STK3: variants seen among roughly 807,000 people sequenced by gnomAD.
STK3 encodes serine/threonine-protein kinase 3.
In STK3, 41 loss-of-function variants were observed where a neutral mutation model predicts 58.0. The ratio of observed to expected loss-of-function variants is 0.71; its 90% CI spans 0.55 to 0.92. The LOEUF (loss-of-function observed/expected upper bound fraction) is 0.92. STK3 is among the 40% of genes least tolerant of loss of function. The probability of loss-of-function intolerance (pLI) is 0.00; values close to 1 mark genes in which losing one functional copy is unlikely to be tolerated. For synonymous variants in STK3, 170 were observed against 191.0 expected (o/e 0.89, Z 0.91); for missense variants, 479 against 602.7 (o/e 0.79, Z 2.15).
At chr8:98,650,118 T>C (rs916394740) in intron 6 of STK3, among the ~76,000 whole-genome samples, 1 of 152,214 alleles carries the variant, frequency 6.6e-6, no homozygotes, top group Non-Finnish European at 1.5e-5. Context: ...CTGATAATAT[T>C]TTACTGGTAC....
At chr8:98,623,618 T>C (rs1818494648) in intron 6 of STK3, among the ~76,000 whole-genome samples, 1 of 152,166 alleles carries the variant, frequency 6.6e-6, no homozygotes, top group Non-Finnish European at 1.5e-5. Flanking sequence ...AGCCCGTCTC[T>C]ACAAAATATA....
At chr8:98,442,915 C>G (rs1818750705) in intron 1 of STK3, among the ~76,000 whole-genome samples, 1 of 151,656 alleles carries the variant, frequency 6.6e-6, no homozygotes, top group African/African-American at 2.4e-5. Flanking sequence ...TAAGATATCC[C>G]TCAATATTCA....
At chr8:98,546,943 C>T (rs1330143585) in intron 9 of STK3, among the ~76,000 whole-genome samples, 1 of 152,126 alleles carries the variant, frequency 6.6e-6, no homozygotes, top group Non-Finnish European at 1.5e-5. Context: ...CAGTACTGAG[C>T]CACGTGACTT....
At position 98,638,464 on chromosome 8, in the gene STK3, G is replaced by A. The variant is rs1422773456; in HGVS notation, c.685-42295C>T. On this transcript the variant is annotated intron_variant, in intron 6 of 10. Transcript: ENST00000419617. ...CATGACTGTTAAATCACTTACATAC[G>A]GCCAAATGATCTACAAGGAAGCAGG... is the stretch of plus-strand genomic sequence containing the variant. The A allele has an allele frequency of 2.0e-5, 3 of 152,126 alleles. No homozygotes were observed. In the East Asian group the frequency reaches 5.8e-4, roughly 29 times the overall value. The allele number at this position is 152,126 out of a possible 1,614,324, so 9.4% of individuals were successfully genotyped here. A position where few individuals can be genotyped will look rare whatever the true frequency, so the allele number is the denominator to read the frequency against.
intron 8 of STK3, among the ~76,000 whole-genome samples, chr8:98,567,742 T>C (rs895854949): frequency 1.3e-5 from 2 of 152,050 alleles, no homozygotes; most frequent in African/African-American, 4.8e-5. Context: ...AAAGAGATCA[T>C]ATTACAAACT....
intron 1 of STK3, among the ~76,000 whole-genome samples, chr8:98,787,806 G>A (rs558476394): frequency 1.3e-5 from 2 of 152,220 alleles, no homozygotes; most frequent in South Asian, 4.1e-4. Context: ...ACAATTATCA[G>A]CCAAGAATTT....
chr8:98,828,790 C>T (rs560132511), upstream of STK3, among the ~76,000 whole-genome samples: 219 of 152,264 alleles, frequency 1.4e-3, 2 homozygotes, highest in Non-Finnish European at 2.3e-3. Flanking sequence ...TATATATGTC[C>T]GTAGTACCCT....
At chr8:98,414,881 G>A (rs992364777) in intron 3 of STK3, among the ~76,000 whole-genome samples, 3 of 152,170 alleles carry the variant, frequency 2.0e-5, no homozygotes, top group African/African-American at 7.2e-5. Flanking sequence ...AGATGGGGAG[G>A]TGCCCAGTCC....
intron 6 of STK3, among the ~76,000 whole-genome samples, chr8:98,687,800 A>C (rs918482423): frequency 1.3e-5 from 2 of 152,204 alleles, no homozygotes; most frequent in African/African-American, 4.8e-5. Context: ...GAAACAAAAG[A>C]ATGACATTTA....
At chr8:98,661,718 T>C (rs1821978435) in intron 6 of STK3, among the ~76,000 whole-genome samples, 1 of 152,102 alleles carries the variant, frequency 6.6e-6, no homozygotes. Flanking sequence ...ACATAAATAA[T>C]CTACACCCAC....
intron 1 of STK3, among the ~76,000 whole-genome samples, chr8:98,795,103 AATATAT>A (rs1222756810): frequency 0.051 from 3,294 of 64,494 alleles, 343 homozygotes; most frequent in Middle Eastern, 0.062. Context: ...AAAAAAAAAA[AATATAT>A]ATATATATAT....
chr8:98,529,503 A>C (rs1825995601), intron 9 of STK3, among the ~76,000 whole-genome samples: 1 of 152,240 alleles, frequency 6.6e-6, no homozygotes, highest in Admixed American at 6.5e-5. Context: ...ATCAAAACAG[A>C]GGTTTTATTG....
chr8:98,537,280 C>CA (rs1366697276), intron 9 of STK3, among the ~76,000 whole-genome samples: 9 of 151,678 alleles, frequency 5.9e-5, no homozygotes, highest in African/African-American at 1.5e-4. Context: ...GTCATACACA[C>CA]AAAAAAAGAT....
At chr8:98,578,348 A>G (rs1018186364) in intron 8 of STK3, among the ~76,000 whole-genome samples, 1 of 152,222 alleles carries the variant, frequency 6.6e-6, no homozygotes, top group Non-Finnish European at 1.5e-5. Context: ...TAAAATTCTA[A>G]GTAATGAATT....
chr8:98,462,294 A>C (rs1194734556), intron 10 of STK3, among the ~76,000 whole-genome samples: 3 of 152,116 alleles, frequency 2.0e-5, no homozygotes, highest in Non-Finnish European at 4.4e-5. Context: ...AATGTCCATC[A>C]AAATATGAAT....
chr8:98,655,113 CATGGTACTGGTACCAAAACAG>C, intron 6 of STK3, among the ~76,000 whole-genome samples: 1 of 151,978 alleles, frequency 6.6e-6, no homozygotes, highest in Admixed American at 6.6e-5. Flanking sequence ...ACCAAAACAG[CATGGTACTGGTACCAAAACAG>C]AGATATAGAT....
chr8:98,810,599 C>T (rs1341952427), intron 1 of STK3, among the ~76,000 whole-genome samples: 1 of 151,292 alleles, frequency 6.6e-6, no homozygotes, highest in African/African-American at 2.4e-5. Context: ...AGTTCCTTGC[C>T]CACTTTTTAT....
intron 3 of STK3, among the ~76,000 whole-genome samples, chr8:98,766,276 T>A (rs1412823796): frequency 6.6e-6 from 1 of 152,234 alleles, no homozygotes; most frequent in Non-Finnish European, 1.5e-5. Context: ...TTAGTTCTTT[T>A]GGCATTCTTA....
chr8:98,633,840 A>G, intron 6 of STK3: 1 of 436,898 alleles, frequency 2.3e-6, no homozygotes, highest in Middle Eastern at 6.7e-4. Context: ...TGAAGATCCC[A>G]AACTTGAAGT....
Sources: gnomAD v4.1 joint callset for allele counts (sites outside exome capture counted in the v4.1 genomes callset) on GRCh38, gnomAD v4.1.1 for gene constraint, MANE v1.5 for transcripts, NCBI Gene and HGNC (gene_info 2026-07-23, HGNC 2026-07-21) for gene names.